SLC35F1: variants seen among roughly 807,000 people sequenced by gnomAD.
SLC35F1 encodes chromosome 6 open reading frame 169.
SLC35F1 carries 14 observed loss-of-function variants against 48.7 expected under a neutral mutation model. The observed-to-expected ratio is 0.29, with a 90% CI of 0.19 to 0.45. The LOEUF is 0.45. SLC35F1 is among the 20% of genes least tolerant of loss of function. The probability of loss-of-function intolerance (pLI) is 1.00; values close to 1 mark genes in which losing one functional copy is unlikely to be tolerated. For synonymous variants in SLC35F1, 190 were observed against 202.2 expected, an observed-to-expected ratio of 0.94 and a Z score of 0.51; for missense variants, 404 against 500.0, an observed-to-expected ratio of 0.81 and a Z score of 1.83.
intron 1 of SLC35F1, among the ~76,000 whole-genome samples, chr6:117,932,278 A>G (rs1333591380): frequency 6.6e-6 from 1 of 152,212 alleles, no homozygotes; most frequent in African/African-American, 2.4e-5. Flanking sequence ...AATACTCAGA[A>G]TATGGTATTT....
Position 117,908,316 on chromosome 6 carries a change from G to A in SLC35F1, c.173+417G>A, listed in dbSNP as rs1030981279. ...AGGCGCGGGGCTGCAGAGATGGCGT[G>A]GAAGTCCTGGGCCTCGTGCTGTCCT... On this transcript the variant is annotated intron_variant, in intron 1 of 7. Transcript: ENST00000360388. 2.0e-5 allele frequency among the ~76,000 whole-genome samples: 3 copies of A among 152,340 alleles called. No homozygotes were observed. In the East Asian group the frequency reaches 5.8e-4, roughly 29 times the overall value.
intron 1 of SLC35F1, among the ~76,000 whole-genome samples, chr6:118,068,469 C>G (rs898650840): frequency 6.6e-6 from 1 of 152,106 alleles, no homozygotes; most frequent in Non-Finnish European, 1.5e-5. Flanking sequence ...ATCAACTCTC[C>G]CCTTGCTACC....
intron 1 of SLC35F1, among the ~76,000 whole-genome samples, chr6:118,070,902 CTATAT>C (rs1327177585): frequency 7.7e-6 from 1 of 129,762 alleles, no homozygotes; most frequent in Non-Finnish European, 1.6e-5. Context: ...AATATATATA[CTATAT>C]ATATATACAT....
At chr6:117,938,688 G>C (rs1776190698) in intron 1 of SLC35F1, among the ~76,000 whole-genome samples, 1 of 152,206 alleles carries the variant, frequency 6.6e-6, no homozygotes, top group Admixed American at 6.5e-5. Context: ...GTGGTGAAGG[G>C]CCCAGAACAA....
intron 1 of SLC35F1, among the ~76,000 whole-genome samples, chr6:118,077,609 G>A (rs951662470): frequency 6.6e-6 from 1 of 152,156 alleles, no homozygotes. Context: ...AGTTACTCAT[G>A]TTCAACCTCA....
intron 7 of SLC35F1, among the ~76,000 whole-genome samples, chr6:118,286,797 GTGTGTGTT>G (rs1356137184): frequency 1.5e-5 from 2 of 133,418 alleles, no homozygotes; most frequent in South Asian, 2.4e-4. Context: ...GTGTGTGTGT[GTGTGTGTT>G]TGTGTGTGTG....
At chr6:117,913,715 C>T (rs1775790938) in intron 1 of SLC35F1, among the ~76,000 whole-genome samples, 2 of 151,942 alleles carry the variant, frequency 1.3e-5, no homozygotes, top group African/African-American at 4.8e-5. Context: ...TTAGTGGCAA[C>T]ATGAGTATAA....
At chr6:118,312,528 C>T (rs1776383088) in intron 7 of SLC35F1, among the ~76,000 whole-genome samples, 1 of 152,138 alleles carries the variant, frequency 6.6e-6, no homozygotes, top group South Asian at 2.1e-4. Context: ...GAGTCTAGTA[C>T]ATAAATCCAT....
rs568185993 is a variant in SLC35F1 at position 117,963,588 on chromosome 6, T to C, written c.173+55689T>C. On this transcript the variant is annotated intron_variant, in intron 1 of 7. Transcript: ENST00000360388. ...CCAAGAAACTGTTAATTGATGCTTT[T>C]TAAACTCCTAAAGTCTTTCTAGACA... Among the ~76,000 whole-genome samples the C allele has an allele frequency of 2.0e-5, 3 of 152,338 alleles. No homozygotes were observed. The East Asian group carries it at 5.8e-4, about 29-fold the overall frequency.
intron 1 of SLC35F1, among the ~76,000 whole-genome samples, chr6:118,150,355 G>T (rs1340240378): frequency 6.6e-6 from 1 of 152,052 alleles, no homozygotes; most frequent in Non-Finnish European, 1.5e-5. Context: ...ACTGTGTCTT[G>T]TTCATCTTTG....
intron 1 of SLC35F1, among the ~76,000 whole-genome samples, chr6:118,032,851 A>G (rs565358124): frequency 5.3e-5 from 8 of 152,182 alleles, no homozygotes; most frequent in African/African-American, 1.9e-4. Context: ...TTTTCTATCT[A>G]TATTTTAGGT....
chr6:117,979,778 C>T (rs568558272), intron 1 of SLC35F1, among the ~76,000 whole-genome samples: 1 of 152,278 alleles, frequency 6.6e-6, no homozygotes, highest in East Asian at 1.9e-4. Context: ...GGATGTGCTG[C>T]GCGATCATCA....
chr6:118,099,675 C>T (rs1773229518), intron 1 of SLC35F1, among the ~76,000 whole-genome samples: 1 of 152,096 alleles, frequency 6.6e-6, no homozygotes, highest in African/African-American at 2.4e-5. Context: ...AGCCCGGTGG[C>T]CAAGAGAATA....
intron 1 of SLC35F1, among the ~76,000 whole-genome samples, chr6:117,987,755 ATCC>A (rs1776866396): frequency 6.6e-6 from 1 of 152,182 alleles, no homozygotes; most frequent in African/African-American, 2.4e-5. Flanking sequence ...GTAAAGTGCT[ATCC>A]TCTCCCAGAT....
At chr6:118,175,756 G>A (rs887503657) in intron 2 of SLC35F1, among the ~76,000 whole-genome samples, 10 of 152,068 alleles carry the variant, frequency 6.6e-5, no homozygotes, top group African/African-American at 2.4e-4. Flanking sequence ...AGCTTCTTGA[G>A]GTAGAAGATG....
At chr6:118,204,372 G>A (rs1253104457) in intron 2 of SLC35F1, among the ~76,000 whole-genome samples, 3 of 152,166 alleles carry the variant, frequency 2.0e-5, no homozygotes, top group Admixed American at 6.5e-5. Flanking sequence ...AGGTTTTGTC[G>A]TAACTGCAAT....
intron 2 of SLC35F1, among the ~76,000 whole-genome samples, chr6:118,164,082 C>A (rs1356495001): frequency 6.6e-6 from 1 of 152,158 alleles, no homozygotes; most frequent in Non-Finnish European, 1.5e-5. Context: ...ATTGGTTTCC[C>A]TTTCTAAGAT....
At chr6:118,087,599 A>G (rs993432339) in intron 1 of SLC35F1, among the ~76,000 whole-genome samples, 5 of 152,068 alleles carry the variant, frequency 3.3e-5, no homozygotes, top group South Asian at 4.1e-4. Context: ...GCTCAGCCCA[A>G]TGTTCCAAGA....
intron 1 of SLC35F1, among the ~76,000 whole-genome samples, chr6:118,035,739 G>C (rs1209751872): frequency 7.2e-5 from 10 of 138,634 alleles, no homozygotes; most frequent in African/African-American, 2.8e-4. Flanking sequence ...ACCCAGGCTG[G>C]AGTGCAGTGA....
Sources: allele counts gnomAD v4.1 joint callset (sites outside exome capture counted in the v4.1 genomes callset), GRCh38; gene constraint gnomAD v4.1.1; transcripts MANE v1.5; gene names NCBI Gene and HGNC (gene_info 2026-07-23, HGNC 2026-07-21).